Variants in GALNTL6 observed in about 807,000 individuals in gnomAD.
The protein encoded by GALNTL6 is polypeptide N-acetylgalactosaminyltransferase like 6, also known as polypeptide N-acetylgalactosaminyltransferase-like 6.
Under a neutral mutation model 73.7 loss-of-function variants are expected in GALNTL6, and 46 were observed. The ratio of observed to expected loss-of-function variants is 0.62; its 90% CI spans 0.49 to 0.80. The LOEUF (loss-of-function observed/expected upper bound fraction) is 0.80, where lower values mean the gene tolerates loss of function less well. Among genes scored for constraint, GALNTL6 ranks in the 30% least tolerant of loss-of-function variants. GALNTL6 has a pLI of 0.00. For missense variants in GALNTL6, 604 were observed against 755.0 expected, an observed-to-expected ratio of 0.80 and a Z score of 2.34; for synonymous variants, 259 against 263.7, an observed-to-expected ratio of 0.98 and a Z score of 0.17.
rs538950698 is a variant in GALNTL6 at position 172,068,394 on chromosome 4, C to T, written c.139-161262C>T. On this transcript the variant is annotated intron_variant, in intron 2 of 12. Coordinates refer to ENST00000506823, the MANE Select transcript of GALNTL6 (RefSeq NM_001034845.3). ...TGCTGCATGATCTGCTTTCTGGCTT[C>T]TGCCTGATGTTATCGCATGTTCTCT... 4.3e-4 allele frequency among the ~76,000 whole-genome samples: 47 copies of T among 110,056 alleles called. 14 individuals are homozygous for T. Among genetic ancestry groups the T allele is most frequent in the Non-Finnish European group, 7.3e-4 (36 of 49,374 alleles). The allele number at this position is 110,056 out of a possible 152,430, so 72.2% of individuals were successfully genotyped here. A position where few individuals can be genotyped will look rare whatever the true frequency, so the allele number is the denominator to read the frequency against.
chr4:171,982,303 T>C (rs373886154), intron 2 of GALNTL6, among the ~76,000 whole-genome samples: 1 of 148,144 alleles, frequency 6.8e-6, no homozygotes, highest in Admixed American at 6.8e-5. Context: ...TTGTTTGTTG[T>C]TTGTTTGTTT....
chr4:172,282,232 A>T (rs368061141), intron 3 of GALNTL6, among the ~76,000 whole-genome samples: 4 of 152,154 alleles, frequency 2.6e-5, no homozygotes, highest in African/African-American at 9.7e-5. Context: ...TTTAAGCAAG[A>T]CTTTCCCTAA....
intron 2 of GALNTL6, among the ~76,000 whole-genome samples, chr4:171,879,353 C>A (rs1216339867): frequency 6.6e-6 from 1 of 152,064 alleles, no homozygotes; most frequent in Non-Finnish European, 1.5e-5. Context: ...AGGTTCTTAT[C>A]CTTACTATTG....
chr4:172,276,823 C>T (rs1279218955), intron 3 of GALNTL6, among the ~76,000 whole-genome samples: 1 of 152,012 alleles, frequency 6.6e-6, no homozygotes. Context: ...TGGTCCCAAT[C>T]ACCTAGATGA....
At chr4:172,408,905 A>G (rs1744332615) in intron 5 of GALNTL6, among the ~76,000 whole-genome samples, 1 of 152,088 alleles carries the variant, frequency 6.6e-6, no homozygotes, top group Admixed American at 6.6e-5. Context: ...GAACAGTGAA[A>G]TGCATCAACA....
chr4:172,986,664 A>T (rs765068342), intron 10 of GALNTL6, among the ~76,000 whole-genome samples: 6 of 152,226 alleles, frequency 3.9e-5, no homozygotes, highest in Non-Finnish European at 8.8e-5. Flanking sequence ...GGCATTGCAG[A>T]TGGGCTATGC....
chr4:172,962,026 A>G (rs1750081376), intron 10 of GALNTL6, among the ~76,000 whole-genome samples: 2 of 152,276 alleles, frequency 1.3e-5, no homozygotes, highest in Admixed American at 6.5e-5. Context: ...GGGTGGTGCC[A>G]TTTTATAGGA....
chr4:172,664,376 C>T (rs990708955), intron 5 of GALNTL6, among the ~76,000 whole-genome samples: 11 of 152,214 alleles, frequency 7.2e-5, no homozygotes, highest in South Asian at 4.1e-4. Flanking sequence ...ATTCATTTGA[C>T]AGTACAGTTC....
intron 2 of GALNTL6, among the ~76,000 whole-genome samples, chr4:171,914,112 C>T (rs1056645377): frequency 6.6e-5 from 10 of 152,024 alleles, no homozygotes; most frequent in Non-Finnish European, 1.5e-5. Context: ...ACAAAATCAT[C>T]AAAACACTAT....
intron 2 of GALNTL6, among the ~76,000 whole-genome samples, chr4:171,920,467 A>G (rs1445857588): frequency 2.0e-5 from 3 of 152,174 alleles, no homozygotes; most frequent in Admixed American, 6.6e-5. Flanking sequence ...CATGTCAATA[A>G]TAAGTGTAGG....
chr4:172,398,125 A>G (rs956564788), intron 5 of GALNTL6, among the ~76,000 whole-genome samples: 2 of 152,158 alleles, frequency 1.3e-5, no homozygotes, highest in African/African-American at 2.4e-5. Flanking sequence ...ATGACAAACT[A>G]ATTTCACATT....
chr4:172,087,497 A>G (rs1732083794), intron 2 of GALNTL6, among the ~76,000 whole-genome samples: 1 of 151,828 alleles, frequency 6.6e-6, no homozygotes, highest in African/African-American at 2.4e-5. Flanking sequence ...CACTAAGCCT[A>G]TTTTGAAACA....
chr4:172,512,744 T>G (rs970872713), intron 5 of GALNTL6, among the ~76,000 whole-genome samples: 24 of 152,182 alleles, frequency 1.6e-4, no homozygotes, highest in African/African-American at 5.5e-4. Flanking sequence ...AACAATTGTT[T>G]TGTTTAAGGA....
chr4:172,279,776 C>T (rs1336548257), intron 3 of GALNTL6, among the ~76,000 whole-genome samples: 2 of 152,054 alleles, frequency 1.3e-5, no homozygotes, highest in African/African-American at 4.8e-5. Context: ...TTTGTATACC[C>T]ATGTTCATGG....
intron 2 of GALNTL6, among the ~76,000 whole-genome samples, chr4:171,886,228 CAAAA>C (rs1291870160): frequency 6.6e-6 from 1 of 151,826 alleles, no homozygotes; most frequent in East Asian, 1.9e-4. Context: ...AAGGCAAACT[CAAAA>C]AAAGCATTTC....
Position 172,068,689 on chromosome 4 carries a change from TG to T in GALNTL6, c.139-160966del, listed in dbSNP as rs1731425700. ...CACAATGTGAATCTGCTTACTAATC[TG>T]CCCAGCCCTCTCCTTTATATTGTAA... On this transcript the variant is annotated intron_variant, in intron 2 of 12. Coordinates refer to ENST00000506823, the MANE Select transcript of GALNTL6 (RefSeq NM_001034845.3). Among the ~76,000 whole-genome samples the T allele has an allele frequency of 1.8e-5, 2 of 110,910 alleles. 1 individual carries two copies. Among genetic ancestry groups the T allele is most frequent in the Non-Finnish European group, 4.0e-5 (2 of 49,754 alleles). 72.8% of individuals were successfully genotyped at this position (110,910 alleles called of 152,430 possible). A position where few individuals can be genotyped will look rare whatever the true frequency, so the allele number is the denominator to read the frequency against.
intron 2 of GALNTL6, among the ~76,000 whole-genome samples, chr4:171,894,353 C>A (rs1341494314): frequency 6.6e-6 from 1 of 151,978 alleles, no homozygotes; most frequent in Non-Finnish European, 1.5e-5. Flanking sequence ...TGAGGGATAG[C>A]CAGTGCATGT....
At chr4:172,039,258 C>A (rs1367362547) in intron 2 of GALNTL6, among the ~76,000 whole-genome samples, 1 of 151,994 alleles carries the variant, frequency 6.6e-6, no homozygotes, top group East Asian at 1.9e-4. Flanking sequence ...TTGTATGTAA[C>A]CCAAAAAAAA....
chr4:172,584,828 T>G (rs1737338956), intron 5 of GALNTL6, among the ~76,000 whole-genome samples: 2 of 152,304 alleles, frequency 1.3e-5, no homozygotes, highest in Middle Eastern at 3.4e-3. Flanking sequence ...TCATTGAGAT[T>G]TGAATCACGT....
Sources: gnomAD v4.1 joint callset for allele counts (sites outside exome capture counted in the v4.1 genomes callset) on GRCh38, gnomAD v4.1.1 for gene constraint, MANE v1.5 for transcripts, NCBI Gene and HGNC (gene_info 2026-07-23, HGNC 2026-07-21) for gene names.